The following FYB1 variants were observed in gnomAD, a reference collection of about 807,000 sequenced individuals.
FYB1 encodes the protein FYN binding protein 1, also known as FYN-binding protein 1.
A neutral mutation model predicts 94.1 loss-of-function variants in FYB1; 41 were observed. The observed-to-expected ratio is 0.44, with a 90% CI of 0.34 to 0.57. FYB1 has a LOEUF of 0.57. FYB1 is among the 20% of genes least tolerant of loss of function. FYB1 has a pLI of 0.02. For synonymous variants in FYB1, 367 were observed against 353.2 expected, an observed-to-expected ratio of 1.04 and a Z score of -0.44; for missense variants, 1,050 against 976.8, an observed-to-expected ratio of 1.07 and a Z score of -1.00.
chr5:39,115,991 T>A (rs997283206), intron 16 of FYB1, among the ~76,000 whole-genome samples: 1 of 152,182 alleles, frequency 6.6e-6, no homozygotes, highest in Non-Finnish European at 1.5e-5. Context: ...AATTACTCCC[T>A]ACCTTCCCAG....
At chr5:39,263,972 C>T (rs953598818) in intron 1 of FYB1, among the ~76,000 whole-genome samples, 4 of 152,132 alleles carry the variant, frequency 2.6e-5, no homozygotes, top group African/African-American at 4.8e-5. Context: ...GTTTGTGTCC[C>T]TCCAAAATTC....
chr5:39,184,187 A>G (rs911421066), intron 2 of FYB1, among the ~76,000 whole-genome samples: 1 of 152,240 alleles, frequency 6.6e-6, no homozygotes, highest in Non-Finnish European at 1.5e-5. Context: ...CCCAAAAACT[A>G]TCTAAAGCAG....
chr5:39,153,971 A>T (rs1580404680), intron 2 of FYB1, among the ~76,000 whole-genome samples: 1 of 152,066 alleles, frequency 6.6e-6, no homozygotes, highest in African/African-American at 2.4e-5. Flanking sequence ...CTTTTTGTAG[A>T]GATGAAGTCT....
At chr5:39,243,322 G>A (rs1259154010) in intron 1 of FYB1, among the ~76,000 whole-genome samples, 2 of 151,752 alleles carry the variant, frequency 1.3e-5, no homozygotes, top group South Asian at 2.1e-4. Context: ...TTTGTATAAG[G>A]TGTAAGGAAG....
In FYB1 at chr5:39,108,155, C is replaced by T. The variant is rs1580278625; in HGVS notation, c.2467+76G>A. The T allele has an allele frequency of 2.2e-6, 3 of 1,337,028 alleles. No homozygotes were observed. In the South Asian group the frequency reaches 4.0e-5, roughly 18 times the overall value. The allele number at this position is 1,337,028 out of a possible 1,614,324, so 82.8% of individuals were successfully genotyped here. A position where few individuals can be genotyped will look rare whatever the true frequency, so the allele number is the denominator to read the frequency against. On this transcript the variant is annotated intron_variant, in intron 18 of 18. Coordinates refer to ENST00000512982, the MANE Select transcript of FYB1 (RefSeq NM_001465.6). ...ATCAGATTGGAAGTCTCTAATCCAA[C>T]AAGCTATTTTTAGCATTTATAAAAA...
chr5:39,176,034 T>TCAAATA (rs1393463856), intron 2 of FYB1, among the ~76,000 whole-genome samples: 2 of 150,986 alleles, frequency 1.3e-5, no homozygotes, highest in Non-Finnish European at 2.9e-5. Flanking sequence ...TCAGCTCTCC[T>TCAAATA]CAAATACAGC....
intron 2 of FYB1, among the ~76,000 whole-genome samples, chr5:39,192,814 T>C (rs1459632595): frequency 6.6e-6 from 1 of 152,174 alleles, no homozygotes; most frequent in Non-Finnish European, 1.5e-5. Context: ...TCAAATTGAG[T>C]GTGCAGCAGG....
intron 1 of FYB1, among the ~76,000 whole-genome samples, chr5:39,247,081 T>TG (rs1751508945): frequency 8.0e-6 from 1 of 125,768 alleles, no homozygotes; most frequent in Admixed American, 7.8e-5. Context: ...CATATATATA[T>TG]ATATATATAT....
At chr5:39,139,945 G>A (rs1742016038) in intron 4 of FYB1, 1 of 152,186 alleles carries the variant, frequency 6.6e-6, no homozygotes, top group Admixed American at 6.6e-5. Context: ...TTAGAGTACA[G>A]TAAGGAGAAA....
intron 2 of FYB1, among the ~76,000 whole-genome samples, chr5:39,198,568 TG>T: frequency 1.3e-5 from 2 of 152,290 alleles, no homozygotes; most frequent in East Asian, 3.9e-4. Flanking sequence ...GACTTTATGA[TG>T]GTACAAAAGC....
chr5:39,170,225 T>A, intron 2 of FYB1: 2 of 898,874 alleles, frequency 2.2e-6, no homozygotes, highest in East Asian at 2.4e-5. Flanking sequence ...TTGCTATATA[T>A]GATGTTGCTG....
intron 2 of FYB1, among the ~76,000 whole-genome samples, chr5:39,162,625 C>T (rs978808929): frequency 6.6e-6 from 1 of 151,734 alleles, no homozygotes; most frequent in Admixed American, 6.6e-5. Flanking sequence ...GCGGAGGTTG[C>T]AGTGAGCCGA....
chr5:39,119,391 T>C (rs1039234746), intron 15 of FYB1, 144 bp downstream of exon 15: 2 of 550,330 alleles, frequency 3.6e-6, no homozygotes, highest in Non-Finnish European at 6.2e-6. Flanking sequence ...CGGCTAACTG[T>C]AATATTGATA....
chr5:39,201,767 T>C (rs767111711), intron 2 of FYB1, 59 bp downstream of exon 2: 45 of 1,461,080 alleles, frequency 3.1e-5, no homozygotes, highest in Non-Finnish European at 4.2e-5. Flanking sequence ...CCCCAGAAGC[T>C]AAAACATTCT....
intron 12 of FYB1, among the ~76,000 whole-genome samples, chr5:39,124,906 AAATACACTCCACACAC>A (rs1740488247): frequency 7.2e-6 from 1 of 139,412 alleles, no homozygotes; most frequent in African/African-American, 3.0e-5. Flanking sequence ...TATGACTTCT[AAATACACTCCACACAC>A]ACACACACAC....
chr5:39,132,987 T>C (rs943693168), intron 9 of FYB1, among the ~76,000 whole-genome samples: 5 of 152,232 alleles, frequency 3.3e-5, no homozygotes, highest in African/African-American at 1.2e-4. Context: ...GCATGCATTG[T>C]ATGTTTTGGT....
intron 2 of FYB1, among the ~76,000 whole-genome samples, chr5:39,188,177 G>C (rs1180758152): frequency 6.6e-6 from 1 of 152,052 alleles, no homozygotes; most frequent in East Asian, 1.9e-4. Flanking sequence ...AGTAACTAAA[G>C]GGTTATTATC....
chr5:39,142,382 A>C (rs1372702445), intron 3 of FYB1, among the ~76,000 whole-genome samples: 1 of 152,122 alleles, frequency 6.6e-6, no homozygotes, highest in Non-Finnish European at 1.5e-5. Context: ...ACATTTTCTT[A>C]ACCCACAAAC....
intron 1 of FYB1, among the ~76,000 whole-genome samples, chr5:39,227,293 C>T (rs1485704059): frequency 2.0e-5 from 3 of 152,078 alleles, no homozygotes; most frequent in African/African-American, 7.2e-5. Flanking sequence ...AATTTTGGTA[C>T]AACTGGAGAA....
Sources: gnomAD v4.1 joint callset for allele counts (sites outside exome capture counted in the v4.1 genomes callset) on GRCh38, gnomAD v4.1.1 for gene constraint, MANE v1.5 for transcripts, NCBI Gene and HGNC (gene_info 2026-07-23, HGNC 2026-07-21) for gene names.